ST8SIA1: variants seen among roughly 807,000 people sequenced by gnomAD.
ST8SIA1 encodes alpha-N-acetylneuraminide alpha-2,8-sialyltransferase.
Under a neutral mutation model 35.9 loss-of-function variants are expected in ST8SIA1, and 16 were observed. That is an observed-to-expected ratio of 0.45 (90% CI 0.30 to 0.68). The LOEUF (loss-of-function observed/expected upper bound fraction) is 0.68. Ranked by LOEUF, ST8SIA1 falls within the 30% of genes least tolerant of loss-of-function variation. ST8SIA1 has a pLI of 0.09. For synonymous variants in ST8SIA1, 170 were observed against 169.6 expected, an observed-to-expected ratio of 1.00 and a Z score of -0.02; for missense variants, 383 against 453.6, an observed-to-expected ratio of 0.84 and a Z score of 1.41.
At chr12:22,328,453 C>T (rs1229577400) in intron 1 of ST8SIA1, among the ~76,000 whole-genome samples, 1 of 152,170 alleles carries the variant, frequency 6.6e-6, no homozygotes, top group Non-Finnish European at 1.5e-5. Context: ...ATTTTTAATA[C>T]ATCATCACTA....
At chr12:22,317,072 C>CA (rs1157400955) in intron 1 of ST8SIA1, among the ~76,000 whole-genome samples, 1 of 151,732 alleles carries the variant, frequency 6.6e-6, no homozygotes, top group African/African-American at 2.4e-5. Context: ...ATTGCAGGAG[C>CA]AAAAAACATG....
chr12:22,280,768 A>G (rs1866023435), intron 2 of ST8SIA1, among the ~76,000 whole-genome samples: 2 of 152,170 alleles, frequency 1.3e-5, no homozygotes, highest in Admixed American at 6.5e-5. Context: ...TCCTTTCCCT[A>G]TGAAGATAAC....
intron 4 of ST8SIA1, among the ~76,000 whole-genome samples, chr12:22,237,468 T>C (rs1591831397): frequency 1.3e-5 from 2 of 149,142 alleles, no homozygotes; most frequent in African/African-American, 5.1e-5. Context: ...AAAATGTTGA[T>C]TTTTTTTCCT....
At chr12:22,249,852 A>G (rs947653307) in intron 3 of ST8SIA1, among the ~76,000 whole-genome samples, 4 of 152,192 alleles carry the variant, frequency 2.6e-5, no homozygotes, top group Non-Finnish European at 4.4e-5. Context: ...AAAGACAAGG[A>G]GGAATTAATA....
chr12:22,257,520 G>C (rs1865742057), intron 2 of ST8SIA1, among the ~76,000 whole-genome samples: 1 of 151,594 alleles, frequency 6.6e-6, no homozygotes, highest in Non-Finnish European at 1.5e-5. Flanking sequence ...CACCGCACCT[G>C]GCCCCAGGAA....
chr12:22,222,725 GATAA>G (rs1235875576), intron 4 of ST8SIA1, among the ~76,000 whole-genome samples: 4 of 151,620 alleles, frequency 2.6e-5, no homozygotes, highest in Non-Finnish European at 4.4e-5. Flanking sequence ...ATTTATGATT[GATAA>G]ATAAAATTAG....
intron 4 of ST8SIA1, among the ~76,000 whole-genome samples, chr12:22,235,027 G>A (rs1217252325): frequency 6.6e-6 from 1 of 152,170 alleles, no homozygotes; most frequent in African/African-American, 2.4e-5. Context: ...TCATTAGTGT[G>A]TGTATGTGCA....
At chr12:22,269,888 C>G (rs143791817) in intron 2 of ST8SIA1, among the ~76,000 whole-genome samples, 1 of 152,258 alleles carries the variant, frequency 6.6e-6, no homozygotes, top group Non-Finnish European at 1.5e-5. Context: ...ACAGTTAATT[C>G]TTTAAGATAA....
chr12:22,244,116 G>A (rs1412055144), intron 4 of ST8SIA1, among the ~76,000 whole-genome samples: 1 of 151,988 alleles, frequency 6.6e-6, no homozygotes, highest in Admixed American at 6.6e-5. Context: ...TATACGTCTC[G>A]AACTCAATTA....
chr12:22,305,661 A>G (rs2728820), intron 1 of ST8SIA1, among the ~76,000 whole-genome samples: 50,506 of 151,994 alleles, frequency 0.33, 9,569 homozygotes, highest in African/African-American at 0.52. Flanking sequence ...GATTACAGGC[A>G]TGAGCCACCA....
At position 22,334,595 on chromosome 12, in the gene ST8SIA1, G is replaced by A. The variant is rs1476771742; in HGVS notation, c.-363C>T. 7 of 314,570 alleles carry A rather than the reference G, an allele frequency of 2.2e-5. No homozygotes were observed. The highest frequency in any genetic ancestry group is 1.2e-5 in the Non-Finnish European group (2 of 166,640). The allele number at this position is 314,570 out of a possible 1,614,324, so 19.5% of individuals were successfully genotyped here. A position where few individuals can be genotyped will look rare whatever the true frequency, so the allele number is the denominator to read the frequency against. The stretch of plus-strand genomic sequence containing the variant: ...TCACGGTCGCCCTCGGCGAGGGTCC[G>A]GGAGAAGGCTCGGCTCCCTCCTAAA... On this transcript the variant is annotated 5_prime_UTR_variant, in exon 1 of 5. Coordinates refer to ENST00000396037, the MANE Select transcript of ST8SIA1 (RefSeq NM_003034.4).
At chr12:22,221,156 C>T (rs1461879871) in intron 4 of ST8SIA1, among the ~76,000 whole-genome samples, 1 of 152,156 alleles carries the variant, frequency 6.6e-6, no homozygotes, top group African/African-American at 2.4e-5. Context: ...GCAGTTATTT[C>T]AGACACCTAC....
intron 2 of ST8SIA1, among the ~76,000 whole-genome samples, chr12:22,283,350 A>G (rs1478738678): frequency 6.6e-6 from 1 of 152,182 alleles, no homozygotes; most frequent in Non-Finnish European, 1.5e-5. Context: ...ACTCATTTCC[A>G]TGGAAATTTG....
At chr12:22,250,276 G>T (rs1242114218) in intron 3 of ST8SIA1, among the ~76,000 whole-genome samples, 1 of 152,192 alleles carries the variant, frequency 6.6e-6, no homozygotes. Context: ...TATACAAAAT[G>T]AGGATAATGA....
chr12:22,312,727 AAC>A (rs1555161914), intron 1 of ST8SIA1, among the ~76,000 whole-genome samples: 7 of 151,524 alleles, frequency 4.6e-5, no homozygotes, highest in African/African-American at 1.7e-4. Flanking sequence ...AAAAAAAAAA[AAC>A]AATAAATTTG....
chr12:22,198,671 A>G lies in ST8SIA1; in HGVS notation c.*2881T>C, dbSNP rs1381285701. ...TTCATTAAATTGTAGTCATATTTTG[A>G]ATGCTGTGAGCATGTATATCTATCT... On this transcript the variant is annotated 3_prime_UTR_variant, in exon 5 of 5. Transcript: ENST00000396037. The G allele has an allele frequency of 1.3e-5, 2 of 152,076 alleles. No homozygotes were observed. Among genetic ancestry groups the G allele is most frequent in the Non-Finnish European group, 2.9e-5 (2 of 68,014 alleles). 9.4% of individuals were successfully genotyped at this position (152,076 alleles called of 1,614,324 possible).
At chr12:22,294,726 C>G (rs1177688157) in intron 1 of ST8SIA1, among the ~76,000 whole-genome samples, 3 of 152,124 alleles carry the variant, frequency 2.0e-5, no homozygotes, top group Non-Finnish European at 4.4e-5. Context: ...AAAGAAGGAA[C>G]TTTTGAAATA....
intron 1 of ST8SIA1, among the ~76,000 whole-genome samples, chr12:22,321,601 G>C (rs1221121361): frequency 6.6e-6 from 1 of 152,208 alleles, no homozygotes; most frequent in Non-Finnish European, 1.5e-5. Flanking sequence ...CTAAATACCA[G>C]AGTGAGACTG....
chr12:22,278,179 C>A (rs1247645425), intron 2 of ST8SIA1, among the ~76,000 whole-genome samples: 1 of 152,200 alleles, frequency 6.6e-6, no homozygotes, highest in Non-Finnish European at 1.5e-5. Flanking sequence ...ATGTGTAAGG[C>A]AATCTTCTAT....
Sources: allele counts gnomAD v4.1 joint callset (sites outside exome capture counted in the v4.1 genomes callset), GRCh38; gene constraint gnomAD v4.1.1; transcripts MANE v1.5; gene names NCBI Gene and HGNC (gene_info 2026-07-23, HGNC 2026-07-21).